The following FBLN1 variants were observed in gnomAD, a reference collection of about 807,000 sequenced individuals.
FBLN1 encodes the protein fibulin 1, also known as fibulin-1.
In FBLN1, 34 loss-of-function variants were observed where a neutral mutation model predicts 89.7. The observed-to-expected ratio is 0.38, with a 90% confidence interval of 0.29 to 0.50. The LOEUF (loss-of-function observed/expected upper bound fraction) is 0.50. Among genes scored for constraint, FBLN1 ranks in the 20% least tolerant of loss-of-function variants. The pLI is 0.92. For synonymous variants in FBLN1, 393 were observed against 391.3 expected, an observed-to-expected ratio of 1.00 and a Z score of -0.05; for missense variants, 777 against 988.1, an observed-to-expected ratio of 0.79 and a Z score of 2.86.
chr22:45,563,133 G>T lies in FBLN1; in HGVS notation c.1698-11378G>T, dbSNP rs764233124. ...ACCCGGAAGGTGAGCCCCCACAGTG[G>T]GGTGGTGGCCCTCACCAAGCCTGTC... On this transcript the variant is annotated intron_variant, in intron 14 of 16. Coordinates refer to ENST00000327858, the MANE Select transcript of FBLN1 (RefSeq NM_006486.3). The surrounding 1 kb of genome is among the most constrained non-coding windows in gnomAD (Gnocchi z 5.7). The T allele has an allele frequency of 2.5e-5, 40 of 1,613,290 alleles. No individual in the cohort carries two copies. Among genetic ancestry groups the T allele is most frequent in the Non-Finnish European group, 3.3e-5 (39 of 1,179,982 alleles).
At chr22:45,503,766 T>A (rs1475035911) in intron 1 of FBLN1, among the ~76,000 whole-genome samples, 3 of 152,110 alleles carry the variant, frequency 2.0e-5, no homozygotes, top group Non-Finnish European at 2.9e-5. Flanking sequence ...GACTGGTCAC[T>A]TCCACCAACG....
chr22:45,554,590 G>A (rs7289179), intron 14 of FBLN1, among the ~76,000 whole-genome samples: 12,582 of 152,254 alleles, frequency 0.083, 1,747 homozygotes, highest in African/African-American at 0.29. Context: ...CCCCAGTCTC[G>A]ATAAATGCCT....
At chr22:45,553,119 C>T (rs972157466) in intron 14 of FBLN1, among the ~76,000 whole-genome samples, 1 of 152,194 alleles carries the variant, frequency 6.6e-6, no homozygotes, top group Non-Finnish European at 1.5e-5. Context: ...GGACGACGAG[C>T]GTGTGAAAGT....
At chr22:45,582,354 G>A (rs1294961988) in intron 16 of FBLN1, among the ~76,000 whole-genome samples, 1 of 152,178 alleles carries the variant, frequency 6.6e-6, no homozygotes, top group Non-Finnish European at 1.5e-5. Context: ...CTTGGGTCCT[G>A]GGCCAGCCCC....
chr22:45,554,063 C>G (rs988308828), intron 14 of FBLN1, among the ~76,000 whole-genome samples: 1 of 152,214 alleles, frequency 6.6e-6, no homozygotes, highest in African/African-American at 2.4e-5. Flanking sequence ...ACTTTGAAAG[C>G]CAAGCTTGCC....
Position 45,581,911 on chromosome 22 carries a change from C to A in FBLN1, c.1972+4803C>A, listed in dbSNP as rs758033848. Among the ~76,000 whole-genome samples, 1 of 152,040 alleles carries A rather than the reference C, an allele frequency of 6.6e-6. No homozygotes were observed. Among genetic ancestry groups the A allele is most frequent in the African/African-American group, 2.4e-5 (1 of 41,404 alleles). ...GGTGCAGGGAGGGTCGAGGGGAGGC[C>A]GAAAGGGGCTGCAGGGCCAGGCCTT... is the stretch of plus-strand genomic sequence containing the variant. On this transcript the variant is annotated intron_variant, in intron 16 of 16. Transcript: ENST00000327858. This position sits in a 1 kb window ranked among gnomAD's most constrained non-coding sequence, Gnocchi z 7.6.
Position 45,574,686 on chromosome 22 carries a change from C to T in FBLN1, c.1840+33C>T, listed in dbSNP as rs1392244434. The T allele has an allele frequency of 1.9e-6, 3 of 1,604,864 alleles. No homozygotes were observed. The highest frequency in any genetic ancestry group is 2.6e-6 in the Non-Finnish European group (3 of 1,175,996). Reference sequence around the variant, plus strand: ...GGATGGGTGTGGGGGTCCCAGGGCCCCCTAGGGCCTCCCTCGGCTTCAGCT... The same window carrying T: ...GGATGGGTGTGGGGGTCCCAGGGCCTCCTAGGGCCTCCCTCGGCTTCAGCT... On this transcript the variant is annotated intron_variant, in intron 15 of 16. Coordinates refer to ENST00000327858, the MANE Select transcript of FBLN1 (RefSeq NM_006486.3). This position sits in a 1 kb window ranked among gnomAD's most constrained non-coding sequence, Gnocchi z 4.1.
chr22:45,599,547 CAG>C (rs757368282), intron 16 of FBLN1, among the ~76,000 whole-genome samples: 9 of 152,194 alleles, frequency 5.9e-5, no homozygotes, highest in South Asian at 2.1e-4. Context: ...GAACTGGGCA[CAG>C]GGGGTTGGAA....
intron 14 of FBLN1, chr22:45,558,495 A>G (rs1283791620): frequency 1.2e-5 from 2 of 162,480 alleles, no homozygotes; most frequent in Admixed American, 1.2e-4. Context: ...GGCTGCAGCC[A>G]GCATCCTTAT....
chr22:45,519,986 G>A (rs530530191), intron 2 of FBLN1, among the ~76,000 whole-genome samples: 1 of 152,134 alleles, frequency 6.6e-6, no homozygotes, highest in South Asian at 2.1e-4. Flanking sequence ...CCTGACCAAC[G>A]TGGTGAAACC....
chr22:45,595,975 T>C (rs1048800851), intron 16 of FBLN1, among the ~76,000 whole-genome samples: 9 of 152,288 alleles, frequency 5.9e-5, no homozygotes, highest in African/African-American at 2.2e-4. Context: ...ATTCAAGTGA[T>C]TCTCCTGCCT....
chr22:45,570,357 AAAAAAAAAGAAAAAG>A (rs2088942537), intron 14 of FBLN1, among the ~76,000 whole-genome samples: 1 of 18,300 alleles, frequency 5.5e-5, no homozygotes, highest in Non-Finnish European at 1.0e-4. Flanking sequence ...AAAGAAAAGA[AAAAAAAAAGAAAAAG>A]AAAAAAAGAA....
chr22:45,600,635 G>C lies in FBLN1; in HGVS notation c.*189G>C, dbSNP rs998753462. ...TGTATTTTCGGTGTTTAAAAAATGA[G>C]CCCAGTTGCTCAACTGTTTGGTTGA... On this transcript the variant is annotated 3_prime_UTR_variant, in exon 17 of 17. Coordinates refer to ENST00000327858, the MANE Select transcript of FBLN1 (RefSeq NM_006486.3). The C allele has an allele frequency of 8.6e-6, 6 of 700,420 alleles. No homozygotes were observed. The African/African-American group carries it at 1.1e-4, about 12-fold the overall frequency. 43.4% of individuals were successfully genotyped at this position (700,420 alleles called of 1,614,324 possible).
At chr22:45,508,147 A>C (rs144156077) in intron 1 of FBLN1, among the ~76,000 whole-genome samples, 1 of 152,254 alleles carries the variant, frequency 6.6e-6, no homozygotes, top group African/African-American at 2.4e-5. Flanking sequence ...CTCATCAATG[A>C]GGGGACATGG....
chr22:45,581,392 C>A lies in FBLN1; in HGVS notation c.1972+4284C>A, dbSNP rs1019981046. On this transcript the variant is annotated intron_variant, in intron 16 of 16. Transcript: ENST00000327858. This position sits in a 1 kb window ranked among gnomAD's most constrained non-coding sequence, Gnocchi z 7.6. Reference sequence around the variant, plus strand: ...GTGTGTGACCACTTCCAAGAAGCCTCCCCTGACTGCTCCAGGGTCATGGCT... The same window carrying A: ...GTGTGTGACCACTTCCAAGAAGCCTACCCTGACTGCTCCAGGGTCATGGCT... Among the ~76,000 whole-genome samples, 1 of 152,012 alleles carries A rather than the reference C, an allele frequency of 6.6e-6. No individual in the cohort carries two copies. The highest frequency in any genetic ancestry group is 1.5e-5 in the Non-Finnish European group (1 of 68,012).
At chr22:45,552,077 C>A (rs981531975) in intron 14 of FBLN1, among the ~76,000 whole-genome samples, 38 of 152,258 alleles carry the variant, frequency 2.5e-4, no homozygotes, top group African/African-American at 9.2e-4. Context: ...TGCCACCCCT[C>A]AGTGCTGGAG....
At chr22:45,503,430 C>A in intron 1 of FBLN1, 1 of 164,688 alleles carries the variant, frequency 6.1e-6, no homozygotes, top group Non-Finnish European at 1.3e-5. Flanking sequence ...GGGCGCCTTG[C>A]ACTTGACGCT....
Position 45,553,079 on chromosome 22 carries a change from G to A in FBLN1, c.1697+2464G>A, listed in dbSNP as rs527823248. On this transcript the variant is annotated intron_variant, in intron 14 of 16. Coordinates refer to ENST00000327858, the MANE Select transcript of FBLN1 (RefSeq NM_006486.3). ...AGATAGAGCCGTCGATGGCCCCCCTGCCTTGGCCAGTTCCTGGGGCTTGTC... is the reference window on the plus strand; with the variant it reads ...AGATAGAGCCGTCGATGGCCCCCCTACCTTGGCCAGTTCCTGGGGCTTGTC... Among the ~76,000 whole-genome samples, 12 of 152,348 alleles carry A rather than the reference G, an allele frequency of 7.9e-5. No individual in the cohort carries two copies. In the South Asian group the frequency reaches 2.1e-3, roughly 26 times the overall value.
chr22:45,563,067 A>G lies in FBLN1; in HGVS notation c.1698-11444A>G. ...AGTGCTGTCCCCGGGGACAGCATGC[A>G]GCTGGCCATCACCGGCGGCAATGAG... On this transcript the variant is annotated intron_variant, in intron 14 of 16. Transcript: ENST00000327858. This position sits in a 1 kb window ranked among gnomAD's most constrained non-coding sequence, Gnocchi z 5.7. 6.2e-7 allele frequency: 1 copy of G among 1,613,318 alleles called. No individual in the cohort carries two copies. Among genetic ancestry groups the G allele is most frequent in the South Asian group, 1.1e-5 (1 of 91,070 alleles).
Sources: gnomAD v4.1 joint callset for allele counts (sites outside exome capture counted in the v4.1 genomes callset) on GRCh38, gnomAD v4.1.1 for gene constraint, Gnocchi (gnomAD v3.1) non-coding constraint, MANE v1.5 for transcripts, NCBI Gene and HGNC (gene_info 2026-07-23, HGNC 2026-07-21) for gene names.